The following BCL2L1 variants were observed in gnomAD, a reference collection of about 807,000 sequenced individuals.
BCL2L1 encodes the protein bcl-2-like protein 1.
Under a neutral mutation model 18.7 loss-of-function variants are expected in BCL2L1, and 1 was observed. That is an observed-to-expected ratio of 0.05 (90% CI 0.02 to 0.25). BCL2L1 has a LOEUF of 0.25. Ranked by LOEUF, BCL2L1 falls within the 10% of genes least tolerant of loss-of-function variation. The pLI is 1.00. For missense variants in BCL2L1, 207 were observed against 304.9 expected (o/e 0.68, Z 2.39); for synonymous variants, 103 against 122.7 (o/e 0.84, Z 1.06).
At chr20:31,716,967 G>A (rs1007511781) in intron 2 of BCL2L1, 1 of 152,158 alleles carries the variant, frequency 6.6e-6, no homozygotes, top group African/African-American at 2.4e-5. Context: ...TCGGATAGAG[G>A]GGCAGAAGAG....
chr20:31,677,182 ATTTT>A (rs552709722), intron 2 of BCL2L1, among the ~76,000 whole-genome samples: 1 of 139,548 alleles, frequency 7.2e-6, no homozygotes. Flanking sequence ...TCCTTATTTA[ATTTT>A]TTTTTTTTTT....
At chr20:31,718,609 C>A (rs1443929400) in intron 2 of BCL2L1, among the ~76,000 whole-genome samples, 1 of 150,774 alleles carries the variant, frequency 6.6e-6, no homozygotes, top group African/African-American at 2.4e-5. Flanking sequence ...GAGCTGAGAT[C>A]GCGCCACTGC....
intron 2 of BCL2L1, among the ~76,000 whole-genome samples, chr20:31,692,461 A>G (rs988999034): frequency 6.6e-6 from 1 of 152,272 alleles, no homozygotes; most frequent in Non-Finnish European, 1.5e-5. Context: ...TAAACACAGC[A>G]TAATACCTAA....
At chr20:31,677,017 AAATG>A (rs1477164809) in intron 2 of BCL2L1, among the ~76,000 whole-genome samples, 1 of 152,020 alleles carries the variant, frequency 6.6e-6, no homozygotes, top group Admixed American at 6.6e-5. Context: ...CTCATTTGTG[AAATG>A]GAAGTGCTAT....
At chr20:31,705,741 C>T (rs571861784) in intron 2 of BCL2L1, among the ~76,000 whole-genome samples, 6 of 152,290 alleles carry the variant, frequency 3.9e-5, no homozygotes, top group Admixed American at 1.3e-4. Flanking sequence ...CTCACTGGGG[C>T]TTGGGATACT....
intron 2 of BCL2L1, chr20:31,716,490 C>G (rs1459225058): frequency 6.6e-6 from 1 of 152,218 alleles, no homozygotes; most frequent in East Asian, 1.9e-4. Flanking sequence ...GTATGGTACA[C>G]AGTAGGAGCT....
chr20:31,677,221 G>A (rs564555797), intron 2 of BCL2L1, among the ~76,000 whole-genome samples: 2 of 141,016 alleles, frequency 1.4e-5, no homozygotes, highest in South Asian at 2.2e-4. Context: ...TCACTCTGTC[G>A]CCCAGGCTGG....
chr20:31,679,280 A>AGCAACTCACTGTCCCACTTGATGT, intron 2 of BCL2L1, among the ~76,000 whole-genome samples: 1 of 152,308 alleles, frequency 6.6e-6, no homozygotes, highest in East Asian at 1.9e-4. Context: ...GAGGCCTGGA[A>AGCAACTCACTGTCCCACTTGATGT]GCAACTCACT....
chr20:31,695,361 G>C (rs946489022), intron 2 of BCL2L1, among the ~76,000 whole-genome samples: 2 of 152,212 alleles, frequency 1.3e-5, no homozygotes, highest in African/African-American at 4.8e-5. Context: ...CCTGGCCCCT[G>C]GTGACGTCTC....
At chr20:31,697,905 T>TTGTTTGTTTGTTTTTTTTTTTTTTTTTA (rs2061206999) in intron 2 of BCL2L1, among the ~76,000 whole-genome samples, 3 of 150,522 alleles carry the variant, frequency 2.0e-5, no homozygotes, top group African/African-American at 7.4e-5. Context: ...TTTTTTTTTT[T>TTGTTTGTTTGTTTTTTTTTTTTTTTTTA]GAGACGGAGT....
At chr20:31,685,334 A>G (rs2060937983) in intron 2 of BCL2L1, among the ~76,000 whole-genome samples, 1 of 151,406 alleles carries the variant, frequency 6.6e-6, no homozygotes, top group East Asian at 1.9e-4. Context: ...CAGGAGGCGG[A>G]GCTTGCAGTG....
intron 2 of BCL2L1, among the ~76,000 whole-genome samples, chr20:31,696,139 T>G (rs556803439): frequency 1.2e-4 from 18 of 152,352 alleles, no homozygotes; most frequent in Admixed American, 8.5e-4. Context: ...TGGGTGAGAA[T>G]AGGGACTTTG....
At chr20:31,690,765 C>T (rs1189712356) in intron 2 of BCL2L1, among the ~76,000 whole-genome samples, 1 of 151,990 alleles carries the variant, frequency 6.6e-6, no homozygotes, top group Non-Finnish European at 1.5e-5. Flanking sequence ...CACATGCTGG[C>T]TTTGAGAATC....
At chr20:31,677,174 CTTAT>C (rs1029798109) in intron 2 of BCL2L1, among the ~76,000 whole-genome samples, 4 of 147,276 alleles carry the variant, frequency 2.7e-5, no homozygotes, top group South Asian at 2.1e-4. Context: ...TAAAAAAATC[CTTAT>C]TTAATTTTTT....
At chr20:31,697,847 A>G (rs1358539908) in intron 2 of BCL2L1, among the ~76,000 whole-genome samples, 1 of 150,288 alleles carries the variant, frequency 6.7e-6, no homozygotes, top group Non-Finnish European at 1.5e-5. Context: ...TGCTATACTG[A>G]TAAGTGGAAA....
intron 2 of BCL2L1, among the ~76,000 whole-genome samples, chr20:31,668,897 G>A (rs1189192114): frequency 6.6e-6 from 1 of 151,672 alleles, no homozygotes; most frequent in East Asian, 1.9e-4. Flanking sequence ...GAGCCACCAT[G>A]CCCAGCCACC....
intron 2 of BCL2L1, among the ~76,000 whole-genome samples, chr20:31,669,912 A>G (rs981423794): frequency 2.6e-4 from 39 of 152,302 alleles, no homozygotes; most frequent in African/African-American, 9.4e-4. Context: ...GAATCCTGAG[A>G]TGTAGATTTG....
chr20:31,671,276 C>G (rs2060664788), intron 2 of BCL2L1, among the ~76,000 whole-genome samples: 1 of 152,074 alleles, frequency 6.6e-6, no homozygotes, highest in Non-Finnish European at 1.5e-5. Flanking sequence ...CACTAGAAAA[C>G]TGGGTCTCCT....
At chr20:31,697,997 C>T (rs929363257) in intron 2 of BCL2L1, among the ~76,000 whole-genome samples, 8 of 150,810 alleles carry the variant, frequency 5.3e-5, no homozygotes, top group Admixed American at 5.3e-4. Flanking sequence ...AAGCAGTTTT[C>T]CTGCCTCAGC....
Sources: allele counts gnomAD v4.1 joint callset (sites outside exome capture counted in the v4.1 genomes callset), GRCh38; gene constraint gnomAD v4.1.1; transcripts MANE v1.5; gene names NCBI Gene and HGNC (gene_info 2026-07-23, HGNC 2026-07-21).